The following NCOA3 variants were observed in gnomAD, a reference collection of about 807,000 sequenced individuals.
The protein encoded by NCOA3 is nuclear receptor coactivator 3.
NCOA3 carries 51 observed loss-of-function variants against 158.8 expected under a neutral mutation model. The observed-to-expected ratio is 0.32, with a 90% CI of 0.26 to 0.41. NCOA3 has a LOEUF of 0.41. Ranked by LOEUF, NCOA3 falls within the 10% of genes least tolerant of loss-of-function variation. NCOA3 has a pLI of 1.00. For synonymous variants in NCOA3, 537 were observed against 592.4 expected (o/e 0.91, Z 1.36); for missense variants, 1,510 against 1,746.6 (o/e 0.86, Z 2.41).
rs1279667386 is a variant in NCOA3, at chr20:47,639,030, G to A, written c.2535G>A (p.Val845=). The stretch of plus-strand genomic sequence containing the variant: ...CAGGTTTGAAAAGTTCACAGTCTGT[G>A]CAGTCTATTCGTCCTCCATATAACC... ...NSLGLKSSQS[V]QSIRPPYNRA... The change falls in exon 14 of 23, where the codon GTG becomes GTA. Residue 845 remains valine, a synonymous_variant. Coordinates refer to ENST00000371998, the MANE Select transcript of NCOA3 (RefSeq NM_181659.3). 1 of 1,612,932 alleles carries A rather than the reference G, an allele frequency of 6.2e-7. No homozygotes were observed. The highest frequency in any genetic ancestry group is 8.5e-7 in the Non-Finnish European group (1 of 1,179,612).
rs1271077549 is a variant in NCOA3 at position 47,653,970 on chromosome 20, GC to G, written c.*554del. 1 of 152,656 alleles carries G rather than the reference GC, an allele frequency of 6.6e-6. No homozygotes were observed. The highest frequency in any genetic ancestry group is 1.5e-5 in the Non-Finnish European group (1 of 68,342). The allele number at this position is 152,656 out of a possible 1,614,324, so 9.5% of individuals were successfully genotyped here. On this transcript the variant is annotated 3_prime_UTR_variant, in exon 23 of 23. Coordinates refer to ENST00000371998, the MANE Select transcript of NCOA3 (RefSeq NM_181659.3). The stretch of plus-strand genomic sequence containing the variant: ...GCTCTGTCCCTATTATTTGCCCTAG[GC>G]TTTCTCCTAATGAAGGTTTTCATTT...
chr20:47,652,884 C>T (rs532766691), intron 21 of NCOA3, 47 bp from the exon 22 acceptor site: 28 of 1,601,898 alleles, frequency 1.7e-5, no homozygotes, highest in East Asian at 1.1e-4. Flanking sequence ...TGCCCTTTGT[C>T]GCTAAAGTGA....
At chr20:47,635,782 T>C in intron 11 of NCOA3, 69 bp downstream of exon 11, 1 of 1,498,856 alleles carries the variant, frequency 6.7e-7, no homozygotes, top group South Asian at 1.3e-5. Context: ...ACTACTATAA[T>C]TCTTGTAAAG....
At chr20:47,531,451 A>G (rs2084545782) in intron 1 of NCOA3, among the ~76,000 whole-genome samples, 1 of 152,212 alleles carries the variant, frequency 6.6e-6, no homozygotes, top group Non-Finnish European at 1.5e-5. Context: ...AAAGTGATGA[A>G]ACAGATGTAT....
At position 47,656,133 on chromosome 20, in the gene NCOA3, T is replaced by C. The variant is rs1353696880; in HGVS notation, c.*2716T>C. On this transcript the variant is annotated 3_prime_UTR_variant, in exon 23 of 23. Transcript: ENST00000371998. The stretch of plus-strand genomic sequence containing the variant: ...GATATTTCCAGTACCTACTTTTTTT[T>C]TTTTTTTTTGCTGAATCCAAAGATA... The C allele has an allele frequency of 6.7e-6, 1 of 150,132 alleles. No homozygotes were observed. The highest frequency in any genetic ancestry group is 1.5e-5 in the Non-Finnish European group (1 of 67,416). The allele number at this position is 150,132 out of a possible 1,614,324, so 9.3% of individuals were successfully genotyped here.
intron 2 of NCOA3, among the ~76,000 whole-genome samples, chr20:47,594,492 G>A (rs758808649): frequency 4.0e-5 from 6 of 151,332 alleles, no homozygotes; most frequent in African/African-American, 9.7e-5. Flanking sequence ...ATGAGATCTC[G>A]TCTCTACTAA....
chr20:47,526,547 T>C (rs1283238088), intron 1 of NCOA3, among the ~76,000 whole-genome samples: 1 of 152,152 alleles, frequency 6.6e-6, no homozygotes, highest in Non-Finnish European at 1.5e-5. Flanking sequence ...TCACTTGTGG[T>C]TAGGAGCTGG....
intron 1 of NCOA3, among the ~76,000 whole-genome samples, chr20:47,522,406 C>CTTTTTTTTTTTTT (rs3091963): frequency 1.4e-4 from 18 of 128,142 alleles, no homozygotes; most frequent in African/African-American, 5.0e-4. Flanking sequence ...GCGCCCGGCC[C>CTTTTTTTTTTTTT]TTTTTTTTTT....
intron 2 of NCOA3, among the ~76,000 whole-genome samples, chr20:47,601,053 G>T (rs985327223): frequency 6.6e-5 from 10 of 152,182 alleles, no homozygotes; most frequent in Admixed American, 5.9e-4. Context: ...TTAGAAACTA[G>T]GTAGTTTATA....
At chr20:47,603,290 A>AC (rs1427689302) in intron 2 of NCOA3, among the ~76,000 whole-genome samples, 1 of 152,116 alleles carries the variant, frequency 6.6e-6, no homozygotes, top group South Asian at 2.1e-4. Context: ...GAGTTCCCTG[A>AC]CCCCCCTCAC....
At chr20:47,504,503 T>TTTTA (rs1186725523) in intron 1 of NCOA3, among the ~76,000 whole-genome samples, 1 of 113,156 alleles carries the variant, frequency 8.8e-6, no homozygotes, top group African/African-American at 3.0e-5. Context: ...TTTTTTTTTT[T>TTTTA]AACGAATTCA....
intron 19 of NCOA3, among the ~76,000 whole-genome samples, chr20:47,650,281 G>T: frequency 7.2e-6 from 1 of 137,952 alleles, no homozygotes; most frequent in African/African-American, 2.7e-5. Context: ...TTTTTTGAGA[G>T]TCACTGTTGC....
intron 1 of NCOA3, among the ~76,000 whole-genome samples, chr20:47,575,990 T>G (rs2085367072): frequency 6.6e-6 from 1 of 152,204 alleles, no homozygotes; most frequent in African/African-American, 2.4e-5. Context: ...AAAATATTAT[T>G]TAATGGATTA....
intron 22 of NCOA3, 82 bp from the exon 23 acceptor site, chr20:47,653,324 T>C (rs575168547): frequency 7.9e-6 from 12 of 1,511,358 alleles, no homozygotes; most frequent in Admixed American, 1.8e-5. Flanking sequence ...GCCATGAATG[T>C]GGACATGGGT....
chr20:47,545,696 T>C (rs1211833311), intron 1 of NCOA3, among the ~76,000 whole-genome samples: 9 of 152,054 alleles, frequency 5.9e-5, no homozygotes, highest in Admixed American at 4.6e-4. Flanking sequence ...GGATTCCTAC[T>C]ATACATATAT....
intron 4 of NCOA3, among the ~76,000 whole-genome samples, chr20:47,624,410 C>T (rs2086289374): frequency 6.6e-6 from 1 of 152,196 alleles, no homozygotes. Context: ...GAGCACACAA[C>T]CTAGATTCCT....
intron 2 of NCOA3, among the ~76,000 whole-genome samples, chr20:47,589,939 A>T (rs1467427468): frequency 4.0e-5 from 6 of 150,742 alleles, no homozygotes; most frequent in African/African-American, 1.2e-4. Context: ...TTTTCTTTTT[A>T]AAAAAATTTT....
At chr20:47,610,104 A>G (rs1323110801) in intron 2 of NCOA3, among the ~76,000 whole-genome samples, 5 of 152,140 alleles carry the variant, frequency 3.3e-5, no homozygotes, top group Admixed American at 2.6e-4. Context: ...TAACTTTTTG[A>G]TATATATTTT....
chr20:47,647,056 T>A lies in NCOA3; in HGVS notation c.3253-17T>A. Reference sequence around the variant, plus strand: ...TCATAGATGTTCTTCACTGTTCTTTTATGTGTTGTGTTTAAGGGACAGGCA... The same window carrying A: ...TCATAGATGTTCTTCACTGTTCTTTAATGTGTTGTGTTTAAGGGACAGGCA... On this transcript the variant is annotated splice_polypyrimidine_tract_variant and intron_variant, in intron 17 of 22. Coordinates refer to ENST00000371998, the MANE Select transcript of NCOA3 (RefSeq NM_181659.3). 1 of 1,602,714 alleles carries A rather than the reference T, an allele frequency of 6.2e-7. No individual in the cohort carries two copies. Among genetic ancestry groups the A allele is most frequent in the South Asian group, 1.1e-5 (1 of 89,936 alleles).
Sources: allele counts gnomAD v4.1 joint callset (sites outside exome capture counted in the v4.1 genomes callset), GRCh38; gene constraint gnomAD v4.1.1; transcripts MANE v1.5; gene names NCBI Gene and HGNC (gene_info 2026-07-23, HGNC 2026-07-21).